Variants in FAM178B observed in about 807,000 individuals in gnomAD.
The protein encoded by FAM178B is family with sequence similarity 178 member B, also known as protein FAM178B.
A neutral mutation model predicts 91.7 loss-of-function variants in FAM178B; 82 were observed. That is an observed-to-expected ratio of 0.89 (90% CI 0.75 to 1.07). FAM178B has a LOEUF of 1.07. Among genes scored for constraint, FAM178B ranks in the 50% least tolerant of loss-of-function variants. The pLI is 0.00. For missense variants in FAM178B, 769 were observed against 846.7 expected (o/e 0.91, Z 1.14); for synonymous variants, 368 against 359.4 (o/e 1.02, Z -0.27).
In FAM178B at chr2:96,899,573, A is replaced by G. The variant is rs78120716; in HGVS notation, c.1650+3047T>C. 4.5e-3 allele frequency among the ~76,000 whole-genome samples: 683 copies of G among 152,018 alleles called. 3 individuals carry two copies. Among genetic ancestry groups the G allele is most frequent in the African/African-American group, 0.016 (665 of 41,474 alleles). On this transcript the variant is annotated intron_variant, in intron 13 of 16. Coordinates refer to ENST00000490605, the MANE Select transcript of FAM178B (RefSeq NM_001122646.3). Reference sequence around the variant, plus strand: ...GCCACTCCATGTACTTTAAAAAAAAAAGAAAAAAAAAAGCGGGTCTTGCTC... The same window carrying G: ...GCCACTCCATGTACTTTAAAAAAAAGAGAAAAAAAAAAGCGGGTCTTGCTC...
intron 6 of FAM178B, 31 bp downstream of exon 6, chr2:96,960,257 C>T (rs759406621): frequency 2.8e-5 from 43 of 1,550,078 alleles, no homozygotes; most frequent in East Asian, 1.2e-4. Flanking sequence ...ACAGGCTGCG[C>T]CACCCCCTCA....
At chr2:96,911,831 C>T (rs1273678426) in intron 12 of FAM178B, among the ~76,000 whole-genome samples, 1 of 152,128 alleles carries the variant, frequency 6.6e-6, no homozygotes, top group East Asian at 1.9e-4. Flanking sequence ...TGGTGCCACT[C>T]ATGGAGCCAT....
rs373071751 is a variant in FAM178B, at chr2:96,972,588, A to G, written c.92T>C (p.Leu31Ser). Residue 31 changes from leucine (L) to serine (S), a missense_variant, in exon 2 of 17, where the codon TTG (leucine) becomes TCG (serine). Physicochemically the swap from Leu to Ser is moderately radical, Grantham distance 145. Coordinates refer to ENST00000490605, the MANE Select transcript of FAM178B (RefSeq NM_001122646.3). The stretch of plus-strand genomic sequence containing the variant: ...CGTCTCCTGGGGCCCAGCCATCTGC[A>G]AGCCGTGGGACATCTGTCCTGGAAG... ...LHFTGQMSHGLQMAGPQETVL... is the reference protein window; with the variant it reads ...LHFTGQMSHGSQMAGPQETVL... 5.8e-6 allele frequency: 9 copies of G among 1,551,482 alleles called. No individual in the cohort carries two copies. In the African/African-American group the frequency reaches 1.2e-4, roughly 21 times the overall value.
chr2:96,972,474 T>A, intron 2 of FAM178B, 64 bp downstream of exon 2: 1 of 1,529,144 alleles, frequency 6.5e-7, no homozygotes, highest in Middle Eastern at 1.7e-4. Flanking sequence ...AGCCATGGGC[T>A]CTCCACTTCC....
At position 96,947,910 on chromosome 2, in the gene FAM178B, G is replaced by GA. The variant is rs146812485; in HGVS notation, c.994-9dup. 29,595 of 1,108,994 alleles carry GA rather than the reference G, an allele frequency of 0.027. No individual in the cohort carries two copies. The highest frequency in any genetic ancestry group is 0.03 in the Non-Finnish European group (24,278 of 822,846). 68.7% of individuals were successfully genotyped at this position (1,108,994 alleles called of 1,614,324 possible). The stretch of plus-strand genomic sequence containing the variant: ...TGGAGGCCATGTCAGCAGCTAGGTG[G>GA]AAAAAAAAAACAAAAACAAAAACCT... On this transcript the variant is annotated splice_polypyrimidine_tract_variant and intron_variant, in intron 7 of 16. Coordinates refer to ENST00000490605, the MANE Select transcript of FAM178B (RefSeq NM_001122646.3).
chr2:96,880,047 A>T (rs564551310), intron 14 of FAM178B, among the ~76,000 whole-genome samples: 30 of 152,264 alleles, frequency 2.0e-4, no homozygotes, highest in Non-Finnish European at 2.4e-4. Flanking sequence ...GACATGAAAC[A>T]AACTCAGACA....
chr2:96,950,596 C>T (rs902736627), intron 7 of FAM178B, among the ~76,000 whole-genome samples: 1 of 152,320 alleles, frequency 6.6e-6, no homozygotes, highest in Non-Finnish European at 1.5e-5. Context: ...TGTCCCCAGA[C>T]AGGGACGATT....
chr2:96,878,721 C>T (rs1384982605), intron 14 of FAM178B, among the ~76,000 whole-genome samples: 1 of 152,240 alleles, frequency 6.6e-6, no homozygotes, highest in East Asian at 1.9e-4. Flanking sequence ...CAGGCACTCC[C>T]AGCCTGCCCT....
At chr2:96,974,259 G>A (rs2082260440) in intron 1 of FAM178B, among the ~76,000 whole-genome samples, 1 of 151,240 alleles carries the variant, frequency 6.6e-6, no homozygotes, top group African/African-American at 2.4e-5. Context: ...GTGGACGCCT[G>A]TAGTCCCAGC....
intron 5 of FAM178B, among the ~76,000 whole-genome samples, chr2:96,962,250 C>T (rs1422201365): frequency 2.6e-5 from 4 of 151,996 alleles, no homozygotes; most frequent in Non-Finnish European, 4.4e-5. Flanking sequence ...TGCGGTAAGC[C>T]GAGATTGCAC....
chr2:96,962,274 C>A (rs1293611806), intron 5 of FAM178B, among the ~76,000 whole-genome samples: 5 of 152,076 alleles, frequency 3.3e-5, no homozygotes, highest in African/African-American at 7.2e-5. Flanking sequence ...TGCACTCCTG[C>A]CTGGGTGACA....
intron 8 of FAM178B, among the ~76,000 whole-genome samples, chr2:96,934,730 C>T (rs562837552): frequency 5.3e-5 from 8 of 152,140 alleles, no homozygotes; most frequent in Admixed American, 1.3e-4. Flanking sequence ...TCTCTCTCAC[C>T]GGCTCTTTTC....
chr2:96,948,610 T>C (rs530798548), intron 7 of FAM178B, among the ~76,000 whole-genome samples: 9 of 152,354 alleles, frequency 5.9e-5, no homozygotes, highest in African/African-American at 2.2e-4. Context: ...GCAGCCATGC[T>C]GTGCATGACA....
At position 96,899,123 on chromosome 2, in the gene FAM178B, G is replaced by C. The variant is rs1255803598; in HGVS notation, c.1650+3497C>G. The stretch of plus-strand genomic sequence containing the variant: ...AGCCCTGGGCTTGCAGTGGAGATGG[G>C]GAAGGAGCTCCAGGAAGGCCATGGG... On this transcript the variant is annotated intron_variant, in intron 13 of 16. Transcript: ENST00000490605. Among the ~76,000 whole-genome samples the C allele has an allele frequency of 4.6e-5, 7 of 152,328 alleles. No individual in the cohort carries two copies. The South Asian group carries it at 1.4e-3, about 32-fold the overall frequency.
At chr2:96,926,467 A>G (rs964619661) in intron 9 of FAM178B, among the ~76,000 whole-genome samples, 4 of 152,196 alleles carry the variant, frequency 2.6e-5, no homozygotes, top group African/African-American at 9.6e-5. Flanking sequence ...AGCTACCTAA[A>G]GACCTCCTTT....
At chr2:96,930,362 T>C (rs1314474516) in intron 8 of FAM178B, among the ~76,000 whole-genome samples, 3 of 151,710 alleles carry the variant, frequency 2.0e-5, no homozygotes, top group Admixed American at 6.6e-5. Flanking sequence ...TAAAAAAGAA[T>C]GGGTCCAGAC....
At chr2:96,902,098 C>T (rs968851090) in intron 13 of FAM178B, among the ~76,000 whole-genome samples, 45 of 144,546 alleles carry the variant, frequency 3.1e-4, no homozygotes, top group Non-Finnish European at 3.6e-4. Flanking sequence ...CCACACCCAG[C>T]TTTTACTACA....
At chr2:96,970,588 A>T in intron 4 of FAM178B, 128 bp downstream of exon 4, 1 of 693,104 alleles carries the variant, frequency 1.4e-6, no homozygotes, top group Non-Finnish European at 2.5e-6. Flanking sequence ...TACTGATCAG[A>T]GCACACAGGG....
chr2:96,944,973 T>G (rs908989311), intron 8 of FAM178B, among the ~76,000 whole-genome samples: 2 of 152,094 alleles, frequency 1.3e-5, no homozygotes, highest in African/African-American at 4.8e-5. Flanking sequence ...CTACAAGTAA[T>G]TCCTCTTCCC....
Sources: allele counts gnomAD v4.1 joint callset (sites outside exome capture counted in the v4.1 genomes callset), GRCh38; gene constraint gnomAD v4.1.1; transcripts MANE v1.5; gene names NCBI Gene and HGNC (gene_info 2026-07-23, HGNC 2026-07-21).